Variants in SYNPR observed in about 807,000 individuals in gnomAD.
SYNPR encodes synaptoporin.
A neutral mutation model predicts 32.9 loss-of-function variants in SYNPR; 23 were observed. That is an observed-to-expected ratio of 0.70 (90% CI 0.50 to 0.99). The LOEUF (loss-of-function observed/expected upper bound fraction) is 0.99, where lower values mean the gene tolerates loss of function less well. Ranked by LOEUF, SYNPR falls within the 50% of genes least tolerant of loss-of-function variation. SYNPR has a pLI of 0.00. For synonymous variants in SYNPR, 146 were observed against 135.9 expected, an observed-to-expected ratio of 1.07 and a Z score of -0.52; for missense variants, 318 against 349.3, an observed-to-expected ratio of 0.91 and a Z score of 0.71.
chr3:63,479,477 TCA>T (rs1440396572), intron 2 of SYNPR, among the ~76,000 whole-genome samples: 2 of 134,614 alleles, frequency 1.5e-5, no homozygotes, highest in African/African-American at 5.4e-5. Flanking sequence ...CACACGTGAC[TCA>T]CAAAATATTG....
At chr3:63,604,601 A>G (rs2106897209) in intron 4 of SYNPR, among the ~76,000 whole-genome samples, 1 of 152,286 alleles carries the variant, frequency 6.6e-6, no homozygotes, top group East Asian at 1.9e-4. Context: ...TTATTTACCT[A>G]GAAGTTATCC....
chr3:63,431,835 CTTT>C (rs11331181), intron 2 of SYNPR, among the ~76,000 whole-genome samples: 1 of 144,590 alleles, frequency 6.9e-6, no homozygotes, highest in Non-Finnish European at 1.5e-5. Flanking sequence ...TTTCCCTTTT[CTTT>C]TTTTTTTTTT....
rs1700019557 is a variant in SYNPR at position 63,600,243 on chromosome 3, C to T, written c.409-8882C>T. Among the ~76,000 whole-genome samples the T allele has an allele frequency of 2.6e-5, 4 of 152,212 alleles. No individual in the cohort carries two copies. The South Asian group carries it at 8.3e-4, about 31-fold the overall frequency. On this transcript the variant is annotated intron_variant, in intron 4 of 5. Coordinates refer to ENST00000478300, the MANE Select transcript of SYNPR (RefSeq NM_001130003.2). Reference sequence around the variant, plus strand: ...GGAAGCACTCAGTAAATACGGACAGCAGCTACTGCTGCTGCTCCTAAAACA... The same window carrying T: ...GGAAGCACTCAGTAAATACGGACAGTAGCTACTGCTGCTGCTCCTAAAACA...
intron 2 of SYNPR, among the ~76,000 whole-genome samples, chr3:63,317,779 T>C (rs1560190314): frequency 6.6e-6 from 1 of 152,060 alleles, no homozygotes; most frequent in Admixed American, 6.6e-5. Context: ...TGCTTTTTGT[T>C]ACTTGTATAC....
the SYNPR span, among the ~76,000 whole-genome samples, chr3:63,200,799 T>A: frequency 6.6e-6 from 1 of 152,202 alleles, no homozygotes; most frequent in South Asian, 2.1e-4. Context: ...GGCAGCATTT[T>A]GAAGCCAGCT....
chr3:63,381,467 G>A (rs912314902), intron 2 of SYNPR, among the ~76,000 whole-genome samples: 7 of 152,132 alleles, frequency 4.6e-5, no homozygotes, highest in Non-Finnish European at 7.3e-5. Context: ...TCGTGAAAAC[G>A]GCCATACTGC....
At chr3:63,477,818 G>A (rs538123470) in intron 2 of SYNPR, among the ~76,000 whole-genome samples, 1 of 152,366 alleles carries the variant, frequency 6.6e-6, no homozygotes, top group African/African-American at 2.4e-5. Flanking sequence ...CAAGAGCCAT[G>A]TTGGGCCCAA....
At chr3:63,345,365 G>A (rs2087424420) in intron 2 of SYNPR, among the ~76,000 whole-genome samples, 1 of 152,202 alleles carries the variant, frequency 6.6e-6, no homozygotes, top group Non-Finnish European at 1.5e-5. Flanking sequence ...GAAGCAATAT[G>A]GAGTCAGCTC....
intron 4 of SYNPR, among the ~76,000 whole-genome samples, chr3:63,558,628 C>G (rs1031233163): frequency 3.9e-5 from 6 of 152,044 alleles, no homozygotes; most frequent in Non-Finnish European, 4.4e-5. Context: ...ATAAGCCACT[C>G]TACCTGGCTA....
chr3:63,356,187 G>A lies in SYNPR; in HGVS notation c.84+77445G>A, dbSNP rs142308479. Among the ~76,000 whole-genome samples the A allele has an allele frequency of 2.6e-5, 4 of 152,230 alleles. No individual in the cohort carries two copies. In the East Asian group the frequency reaches 7.7e-4, roughly 29 times the overall value. On this transcript the variant is annotated intron_variant, in intron 2 of 5. Transcript: ENST00000478300. ...GGAAGTCCAGAAGCTCCATCAACTT[G>A]GCATGAAGGCCATGTTCGCTGTACT... is the stretch of plus-strand genomic sequence containing the variant.
At chr3:63,427,817 T>C (rs1321465760) in intron 2 of SYNPR, among the ~76,000 whole-genome samples, 2 of 152,328 alleles carry the variant, frequency 1.3e-5, no homozygotes, top group African/African-American at 2.4e-5. Context: ...ATTAGCTCTT[T>C]CTCATACAGT....
chr3:63,233,029 A>C (rs2086177463), intron 1 of SYNPR, among the ~76,000 whole-genome samples: 1 of 152,174 alleles, frequency 6.6e-6, no homozygotes, highest in Admixed American at 6.6e-5. Flanking sequence ...AAGTGCATTC[A>C]GATCTTTTGT....
At chr3:63,342,528 G>T (rs754132590) in intron 2 of SYNPR, among the ~76,000 whole-genome samples, 2 of 152,098 alleles carry the variant, frequency 1.3e-5, no homozygotes, top group Non-Finnish European at 2.9e-5. Context: ...CTAATATTTT[G>T]TTGATGATTT....
intron 2 of SYNPR, among the ~76,000 whole-genome samples, chr3:63,352,793 G>C (rs1036457905): frequency 1.7e-4 from 26 of 152,138 alleles, no homozygotes; most frequent in Non-Finnish European, 2.2e-4. Flanking sequence ...TGTCTTGCAT[G>C]GTGGCAGACA....
rs570007784 is a variant in SYNPR, at chr3:63,380,450, A to G, written c.85-100382A>G. Among the ~76,000 whole-genome samples the G allele has an allele frequency of 1.6e-4, 25 of 152,154 alleles. No individual in the cohort carries two copies. In the East Asian group the frequency reaches 4.6e-3, roughly 28 times the overall value. On this transcript the variant is annotated intron_variant, in intron 2 of 5. Transcript: ENST00000478300. ...TCTCTGATGGCCAGTGATGATGAGC[A>G]TTTTTTCATGTGTCTGTTGGCTGCA...
At position 63,552,118 on chromosome 3, in the gene SYNPR, G is replaced by A. The variant is rs189377531; in HGVS notation, c.210-4425G>A. On this transcript the variant is annotated intron_variant, in intron 3 of 5. Coordinates refer to ENST00000478300, the MANE Select transcript of SYNPR (RefSeq NM_001130003.2). ...TCACCATGTTGGTCAGGCTGGTCTC[G>A]AACTCCTGACCTCAGGCAGTCTGCC... 2.4e-3 allele frequency among the ~76,000 whole-genome samples: 364 copies of A among 152,028 alleles called. 1 individual carries two copies. The highest frequency in any genetic ancestry group is 8.2e-3 in the African/African-American group (341 of 41,496).
intron 4 of SYNPR, among the ~76,000 whole-genome samples, chr3:63,574,724 G>A (rs2106851536): frequency 6.6e-6 from 1 of 152,132 alleles, no homozygotes; most frequent in East Asian, 1.9e-4. Flanking sequence ...CTGTATCCCA[G>A]CACACAACAC....
intron 3 of SYNPR, among the ~76,000 whole-genome samples, chr3:63,498,605 G>T (rs1462147254): frequency 2.0e-5 from 3 of 152,162 alleles, no homozygotes; most frequent in Non-Finnish European, 2.9e-5. Flanking sequence ...AAGATCTGGA[G>T]AAGAGATTCT....
Position 63,460,715 on chromosome 3 carries a change from G to T in SYNPR, c.85-20117G>T, listed in dbSNP as rs143141560. Among the ~76,000 whole-genome samples the T allele has an allele frequency of 3.3e-3, 496 of 152,154 alleles. 1 individual carries two copies. Among genetic ancestry groups the T allele is most frequent in the African/African-American group, 0.012 (489 of 41,538 alleles). Reference sequence around the variant, plus strand: ...CCGAAAGCCTTGAATGCCATGCTAAGGAACTTAGAATCTATCTGGCAGGCA... The same window carrying T: ...CCGAAAGCCTTGAATGCCATGCTAATGAACTTAGAATCTATCTGGCAGGCA... On this transcript the variant is annotated intron_variant, in intron 2 of 5. Coordinates refer to ENST00000478300, the MANE Select transcript of SYNPR (RefSeq NM_001130003.2).
Sources: gnomAD v4.1 joint callset for allele counts (sites outside exome capture counted in the v4.1 genomes callset) on GRCh38, gnomAD v4.1.1 for gene constraint, MANE v1.5 for transcripts, NCBI Gene and HGNC (gene_info 2026-07-23, HGNC 2026-07-21) for gene names.